LCN2: variants seen among roughly 807,000 people sequenced by gnomAD.
LCN2 encodes the protein neutrophil gelatinase-associated lipocalin.
In LCN2, 27 loss-of-function variants were observed where a neutral mutation model predicts 26.4. That is an observed-to-expected ratio of 1.02 (90% CI 0.76 to 1.41). The LOEUF is 1.41. Ranked by LOEUF, LCN2 falls within the 40% of genes most tolerant of loss-of-function variation. LCN2 has a pLI of 0.00. For missense variants in LCN2, 224 were observed against 237.6 expected (o/e 0.94, Z 0.38); for synonymous variants, 94 against 98.9 (o/e 0.95, Z 0.30).
chr9:128,149,968 G>A (rs959526984), intron 1 of LCN2, among the ~76,000 whole-genome samples: 2 of 151,800 alleles, frequency 1.3e-5, no homozygotes, highest in Non-Finnish European at 1.5e-5. Flanking sequence ...TGAGGCTCAG[G>A]AAGGCCCACC....
intron 1 of LCN2, among the ~76,000 whole-genome samples, 193 bp from the exon 2 acceptor site, chr9:128,150,045 C>G (rs978017056): frequency 6.6e-6 from 1 of 152,100 alleles, no homozygotes; most frequent in African/African-American, 2.4e-5. Flanking sequence ...GCCTCTTCCC[C>G]CAGGACTCCC....
intron 1 of LCN2, among the ~76,000 whole-genome samples, chr9:128,149,948 A>T (rs1165624937): frequency 2.0e-5 from 3 of 151,142 alleles, no homozygotes. Context: ...CCCTGCACAG[A>T]TGAGGAAACT....
At chr9:128,151,396 T>C (rs1331042930) in intron 2 of LCN2, 1 of 601,900 alleles carries the variant, frequency 1.7e-6, no homozygotes, top group Non-Finnish European at 3.1e-6. Flanking sequence ...AGGGTCTGAG[T>C]GGGGTCCAGG....
At position 128,150,428 on chromosome 9, in the gene LCN2, G is replaced by C. The variant is rs568115925; in HGVS notation, c.275+54G>C. 397 of 1,612,188 alleles carry C rather than the reference G, an allele frequency of 2.5e-4. 3 individuals carry two copies. The South Asian group carries it at 2.5e-3, about 10-fold the overall frequency. On this transcript the variant is annotated intron_variant, in intron 2 of 6. Coordinates refer to ENST00000277480, the MANE Select transcript of LCN2 (RefSeq NM_005564.5). ...AGAGTCAGACTGACGTCACAGGCAAGGGATGGCCAAAGCTGAGGGATCCTG... is the reference window on the plus strand; with the variant it reads ...AGAGTCAGACTGACGTCACAGGCAACGGATGGCCAAAGCTGAGGGATCCTG...
chr9:128,150,983 G>C (rs1388358089), intron 2 of LCN2, among the ~76,000 whole-genome samples: 1 of 152,222 alleles, frequency 6.6e-6, no homozygotes, highest in African/African-American at 2.4e-5. Context: ...GTGAAGCGGG[G>C]CCGTCACAGG....
chr9:128,152,348 C>T (rs1829140852), intron 5 of LCN2, 64 bp downstream of exon 5: 1 of 1,411,526 alleles, frequency 7.1e-7, no homozygotes, highest in Admixed American at 1.7e-5. Context: ...TGCTTCCCTA[C>T]CAGGGATCAG....
rs114522515 is a variant in LCN2 at position 128,153,012 on chromosome 9, G to T, written c.578-88G>T. The T allele has an allele frequency of 3.5e-4, 554 of 1,598,512 alleles. 2 individuals carry two copies. In the African/African-American group the frequency reaches 6.8e-3, roughly 20 times the overall value. ...AGGGGCTGCCCAGGGGCAGTGCAGA[G>T]GACCTGGCAGTCAGGGATCACACAC... On this transcript the variant is annotated intron_variant, in intron 5 of 6. Transcript: ENST00000277480. The surrounding 1 kb of genome is among the most constrained non-coding windows in gnomAD (Gnocchi z 5.4).
intron 3 of LCN2, 94 bp from the exon 4 acceptor site, chr9:128,151,812 G>A (rs1470770875): frequency 6.3e-7 from 1 of 1,597,636 alleles, no homozygotes; most frequent in East Asian, 2.2e-5. Context: ...TGTGTTGTAT[G>A]GGGAGAAGCC....
rs1829159002 is a variant in LCN2, at chr9:128,153,255, C to T, written c.*8-56C>T. On this transcript the variant is annotated intron_variant, in intron 6 of 6. Coordinates refer to ENST00000277480, the MANE Select transcript of LCN2 (RefSeq NM_005564.5). The surrounding 1 kb of genome is among the most constrained non-coding windows in gnomAD (Gnocchi z 5.4). ...GCTGCTGTCTTTATTCTGCTGTCCC[C>T]ATCTCGGGTGCCTCCCATTTCCCCA... 3 of 1,142,590 alleles carry T rather than the reference C, an allele frequency of 2.6e-6. No individual in the cohort carries two copies. The highest frequency in any genetic ancestry group is 2.5e-5 in the South Asian group (2 of 80,384). The allele number at this position is 1,142,590 out of a possible 1,614,324, so 70.8% of individuals were successfully genotyped here. A position where few individuals can be genotyped will look rare whatever the true frequency, so the allele number is the denominator to read the frequency against.
At chr9:128,150,065 G>T (rs1834990483) in intron 1 of LCN2, among the ~76,000 whole-genome samples, 173 bp from the exon 2 acceptor site, 1 of 152,110 alleles carries the variant, frequency 6.6e-6, no homozygotes, top group African/African-American at 2.4e-5. Context: ...CTTCTGGACT[G>T]ATGGCCTCCT....
rs878942266 is a variant in LCN2 at position 128,153,310 on chromosome 9, G to A, written c.*8-1G>A. 2.8e-6 allele frequency: 2 copies of A among 702,838 alleles called. No individual in the cohort carries two copies. The highest frequency in any genetic ancestry group is 2.3e-5 in the Admixed American group (1 of 43,818). The allele number at this position is 702,838 out of a possible 1,614,324, so 43.5% of individuals were successfully genotyped here. A position where few individuals can be genotyped will look rare whatever the true frequency, so the allele number is the denominator to read the frequency against. On this transcript the variant is annotated splice_acceptor_variant, in intron 6 of 6. Transcript: ENST00000277480. LOFTEE classifies it low-confidence loss of function (3UTR_SPLICE). This position sits in a 1 kb window ranked among gnomAD's most constrained non-coding sequence, Gnocchi z 5.4. ...TCACCCTCATATCCACCTCTGTCCA[G>A]GGTGCCGCCAGCTGCCGCACCAGCC...
chr9:128,150,681 G>C (rs970560455), intron 2 of LCN2: 1 of 558,084 alleles, frequency 1.8e-6, no homozygotes, highest in African/African-American at 1.9e-5. Context: ...AAGGCTTCCA[G>C]GGAGGTGGCC....
At chr9:128,151,448 G>A in intron 2 of LCN2, 190 bp from the exon 3 acceptor site, 1 of 628,822 alleles carries the variant, frequency 1.6e-6, no homozygotes, top group Middle Eastern at 2.6e-4. Flanking sequence ...TGTCAGCTCA[G>A]GGAGAAGGCC....
Position 128,150,320 on chromosome 9 carries a change from C to T in LCN2, c.221C>T (p.Thr74Ile), listed in dbSNP as rs1019597543. The T allele has an allele frequency of 5.6e-6, 9 of 1,614,048 alleles. No homozygotes were observed. In the African/African-American group the frequency reaches 9.3e-5, roughly 17 times the overall value. The change falls in exon 2 of 7, where the codon ACC becomes ATC. Residue 74 changes from threonine to isoleucine, a missense_variant. Coordinates refer to ENST00000277480, the MANE Select transcript of LCN2 (RefSeq NM_005564.5). ...EDKDPQKMYA[T>I]IYELKEDKSY... ...AAAGACCCGCAAAAGATGTATGCCA[C>T]CATCTATGAGCTGAAAGAAGACAAG...
At chr9:128,152,332 G>A in intron 5 of LCN2, 48 bp downstream of exon 5, 2 of 1,517,812 alleles carry the variant, frequency 1.3e-6, no homozygotes, top group Middle Eastern at 3.6e-4. Flanking sequence ...GACTGTTCAG[G>A]CAGGATGCTT....
At chr9:128,151,363 G>C in intron 2 of LCN2, 1 of 576,096 alleles carries the variant, frequency 1.7e-6, no homozygotes, top group South Asian at 2.4e-5. Context: ...GCAGCCAAAG[G>C]AAAGAAGGAC....
chr9:128,150,869 C>T (rs1307374531), intron 2 of LCN2, among the ~76,000 whole-genome samples: 6 of 152,230 alleles, frequency 3.9e-5, no homozygotes, highest in African/African-American at 1.2e-4. Context: ...CCTCAGGCCC[C>T]GCCCCAGCGG....
chr9:128,151,308 T>C (rs1835003502), intron 2 of LCN2: 1 of 549,950 alleles, frequency 1.8e-6, no homozygotes, highest in Non-Finnish European at 3.3e-6. Context: ...AAATGCAGGG[T>C]TTCTGTGTGT....
chr9:128,152,024 C>T lies in LCN2; in HGVS notation c.474C>T (p.Tyr158=), dbSNP rs138858669. ...GGGAGTACTTCAAGATCACCCTCTACGGTGGGTCCTCTCCCATCCCCTCGG... is the reference window on the plus strand; with the variant it reads ...GGGAGTACTTCAAGATCACCCTCTATGGTGGGTCCTCTCCCATCCCCTCGG... ...QNREYFKITL[Y]GRTKELTSEL... Residue 158 remains tyrosine, a splice_region_variant and synonymous_variant, in exon 4 of 7, where the codon TAC becomes TAT. Coordinates refer to ENST00000277480, the MANE Select transcript of LCN2 (RefSeq NM_005564.5). 67 of 1,614,056 alleles carry T rather than the reference C, an allele frequency of 4.2e-5. No individual in the cohort carries two copies. The highest frequency in any genetic ancestry group is 2.4e-4 in the African/African-American group (18 of 75,052).
Sources: gnomAD v4.1 joint callset for allele counts (sites outside exome capture counted in the v4.1 genomes callset) on GRCh38, gnomAD v4.1.1 for gene constraint, Gnocchi (gnomAD v3.1) non-coding constraint, MANE v1.5 for transcripts, NCBI Gene and HGNC (gene_info 2026-07-23, HGNC 2026-07-21) for gene names.